Variants in GSAP observed in about 807,000 individuals in gnomAD.
The protein encoded by GSAP is gamma-secretase activating protein.
Under a neutral mutation model 131.7 loss-of-function variants are expected in GSAP, and 118 were observed. The observed-to-expected ratio is 0.90, with a 90% confidence interval of 0.77 to 1.04. The LOEUF is 1.04. GSAP is among the 50% of genes least tolerant of loss of function. The pLI, the probability that GSAP is intolerant of heterozygous loss-of-function variation, is 0.00. For synonymous variants in GSAP, 381 were observed against 363.4 expected, an observed-to-expected ratio of 1.05 and a Z score of -0.55; for missense variants, 1,019 against 1,013.2, an observed-to-expected ratio of 1.01 and a Z score of -0.08.
chr7:77,353,106 C>T (rs2150854613), intron 17 of GSAP, 80 bp from the exon 18 acceptor site: 1 of 757,492 alleles, frequency 1.3e-6, no homozygotes, highest in East Asian at 2.5e-5. Flanking sequence ...GCAACCAAAA[C>T]ACGCAAACCA....
rs78842255 is a variant in GSAP at position 77,339,491 on chromosome 7, G to C, written c.1546-9124C>G. 1.4e-3 allele frequency among the ~76,000 whole-genome samples: 206 copies of C among 152,246 alleles called. 1 individual carries two copies. The highest frequency in any genetic ancestry group is 2.5e-3 in the Non-Finnish European group (167 of 68,016). On this transcript the variant is annotated intron_variant, in intron 19 of 30. Transcript: ENST00000257626. ...GGCTGTGTGCAGAGGGTCATAGAGA[G>C]ATCTACAGTGCCTCATACTTGTCCT...
chr7:77,354,596 T>C (rs964872534), intron 16 of GSAP, among the ~76,000 whole-genome samples: 1 of 152,108 alleles, frequency 6.6e-6, no homozygotes, highest in Admixed American at 6.5e-5. Context: ...AATTAGCAGA[T>C]GCACAAAGAA....
chr7:77,392,089 G>A (rs188688781), intron 5 of GSAP, among the ~76,000 whole-genome samples: 36 of 152,218 alleles, frequency 2.4e-4, no homozygotes, highest in African/African-American at 7.7e-4. Flanking sequence ...GCCGGAAGTG[G>A]TGGTGGATGC....
chr7:77,389,356 G>A lies in GSAP; in HGVS notation c.368-1908C>T, dbSNP rs374151035. Among the ~76,000 whole-genome samples the A allele has an allele frequency of 1.3e-5, 2 of 149,614 alleles. 1 individual carries two copies. ...TTTTGTTTCCATCCTGGTTAACATA[G>A]TGAAATGCCGTCTCTACAAAAATAA... On this transcript the variant is annotated intron_variant, in intron 5 of 30. Coordinates refer to ENST00000257626, the MANE Select transcript of GSAP (RefSeq NM_017439.4).
chr7:77,379,943 C>T (rs1181902), intron 8 of GSAP: 782,292 of 905,770 alleles, frequency 0.86, 338,418 homozygotes, highest in African/African-American at 0.97. Flanking sequence ...AATTTGTTCA[C>T]TTAACTTTAA....
In GSAP at chr7:77,388,577, C is replaced by T. The variant is rs117778671; in HGVS notation, c.368-1129G>A. Among the ~76,000 whole-genome samples, 203 of 152,220 alleles carry T rather than the reference C, an allele frequency of 1.3e-3. 4 individuals are homozygous for T. The East Asian group carries it at 0.03, about 23-fold the overall frequency. ...GGTTCCCCTTCCCCCAAGATTACACCGTAGAAAAGAAGGACTGGCCTTATA... is the reference window on the plus strand; with the variant it reads ...GGTTCCCCTTCCCCCAAGATTACACTGTAGAAAAGAAGGACTGGCCTTATA... On this transcript the variant is annotated intron_variant, in intron 5 of 30. Transcript: ENST00000257626.
At chr7:77,390,945 C>CA (rs1799375361) in intron 5 of GSAP, among the ~76,000 whole-genome samples, 1 of 18,942 alleles carries the variant, frequency 5.3e-5, no homozygotes, top group Non-Finnish European at 1.2e-4. Context: ...GAGACTCCGT[C>CA]TAAAAAAAAA....
chr7:77,328,162 T>C (rs755457100), intron 22 of GSAP: 87 of 969,440 alleles, frequency 9.0e-5, no homozygotes, highest in Non-Finnish European at 9.6e-5. Flanking sequence ...ACCACACTGC[T>C]TACCTGGAAG....
chr7:77,338,598 A>G (rs1308195599), intron 19 of GSAP, among the ~76,000 whole-genome samples: 1 of 152,142 alleles, frequency 6.6e-6, no homozygotes, highest in Non-Finnish European at 1.5e-5. Context: ...ATGAGGGCCC[A>G]CTTCCTAGAC....
chr7:77,375,115 C>T lies in GSAP; in HGVS notation c.742-14G>A. 2 of 1,534,966 alleles carry T rather than the reference C, an allele frequency of 1.3e-6. No individual in the cohort carries two copies. Among genetic ancestry groups the T allele is most frequent in the Non-Finnish European group, 1.8e-6 (2 of 1,117,176 alleles). ...GGGTACTTCAAACTGTCAAAAAAAT[C>T]AAAGAAAATGAACCCAAAATGACAG... On this transcript the variant is annotated splice_polypyrimidine_tract_variant and intron_variant, in intron 10 of 30. Coordinates refer to ENST00000257626, the MANE Select transcript of GSAP (RefSeq NM_017439.4).
chr7:77,382,625 C>T lies in GSAP; in HGVS notation c.475G>A (p.Glu159Lys), dbSNP rs759756255. The change falls in exon 7 of 31, where the codon GAA becomes AAA. Residue 159 changes from glutamate to lysine, a missense_variant. Glu to Lys is a moderately conservative substitution (Grantham distance 56, BLOSUM62 1). Coordinates refer to ENST00000257626, the MANE Select transcript of GSAP (RefSeq NM_017439.4). ...IWVQFLYPHIESHPLPENHLL... is the reference protein window; with the variant it reads ...IWVQFLYPHIKSHPLPENHLL... ...TGGTTCTCTGGAAGAGGATGACTTTCAATATGTGGGTAGAGAAACTGTAAA... is the reference window on the plus strand; with the variant it reads ...TGGTTCTCTGGAAGAGGATGACTTTTAATATGTGGGTAGAGAAACTGTAAA... 5.2e-6 allele frequency: 8 copies of T among 1,553,358 alleles called. No individual in the cohort carries two copies. The East Asian group carries it at 1.6e-4, about 30-fold the overall frequency.
intron 11 of GSAP, among the ~76,000 whole-genome samples, chr7:77,374,784 G>A (rs575022779): frequency 3.3e-5 from 5 of 152,124 alleles, no homozygotes; most frequent in African/African-American, 7.2e-5. Flanking sequence ...CTATTTAATC[G>A]CAGGGAGAAG....
At chr7:77,406,888 T>TCTCC (rs1229512813) in intron 1 of GSAP, among the ~76,000 whole-genome samples, 1 of 152,174 alleles carries the variant, frequency 6.6e-6, no homozygotes, top group Non-Finnish European at 1.5e-5. Flanking sequence ...GAAGCTCCCC[T>TCTCC]CTCCCCGCTG....
intron 3 of GSAP, among the ~76,000 whole-genome samples, chr7:77,403,452 G>A (rs904746054): frequency 2.0e-5 from 3 of 152,182 alleles, no homozygotes; most frequent in Non-Finnish European, 2.9e-5. Context: ...GTTCAAAGAT[G>A]TCTAATATTC....
chr7:77,363,904 A>G (rs796465799), intron 12 of GSAP, among the ~76,000 whole-genome samples: 10 of 152,312 alleles, frequency 6.6e-5, no homozygotes, highest in African/African-American at 2.4e-4. Flanking sequence ...TCACTAAAGT[A>G]TAAACAAAAT....
intron 12 of GSAP, among the ~76,000 whole-genome samples, chr7:77,372,761 C>T (rs1417565936): frequency 6.6e-6 from 1 of 152,222 alleles, no homozygotes; most frequent in African/African-American, 2.4e-5. Context: ...CCTTCAATGA[C>T]TTCTCATCAC....
chr7:77,355,432 T>C lies in GSAP; in HGVS notation c.1121-2A>G. ...GCATATCAATCATTTCATTATTTCC[T>C]GGCAAAAAAAAAAAAAACAGTAGAT... On this transcript the variant is annotated splice_acceptor_variant, in intron 15 of 30. Transcript: ENST00000257626. LOFTEE classifies it high-confidence loss of function. The C allele has an allele frequency of 6.8e-7, 1 of 1,469,980 alleles. No individual in the cohort carries two copies. The highest frequency in any genetic ancestry group is 9.2e-7 in the Non-Finnish European group (1 of 1,088,652). The allele number at this position is 1,469,980 out of a possible 1,614,324, so 91.1% of individuals were successfully genotyped here.
At chr7:77,347,046 CAGA>C (rs1792021097) in intron 19 of GSAP, among the ~76,000 whole-genome samples, 2 of 151,696 alleles carry the variant, frequency 1.3e-5, no homozygotes, top group Admixed American at 6.6e-5. Flanking sequence ...ATAAAAATCC[CAGA>C]AGACTGGGTT....
chr7:77,406,058 T>C lies in GSAP; in HGVS notation c.157A>G (p.Arg53Gly). Reference sequence around the variant, plus strand: ...TAGGTATAAATAATATTTCCATTTCTTTCAACATTTAATACATGTAAGCTC... The same window carrying C: ...TAGGTATAAATAATATTTCCATTTCCTTCAACATTTAATACATGTAAGCTC... Reference protein sequence around the residue: ...YESLHVLNVERNGNIIYTYKD... With the variant: ...YESLHVLNVEGNGNIIYTYKD... The change falls in exon 2 of 31, where the codon AGA (arginine) becomes GGA (glycine). Residue 53 changes from arginine to glycine, a missense_variant. Physicochemically the swap from Arg to Gly is moderately radical, Grantham distance 125. Coordinates refer to ENST00000257626, the MANE Select transcript of GSAP (RefSeq NM_017439.4). 9.2e-7 allele frequency: 1 copy of C among 1,089,696 alleles called. No individual in the cohort carries two copies. Among genetic ancestry groups the C allele is most frequent in the Non-Finnish European group, 1.3e-6 (1 of 798,658 alleles). 67.5% of individuals were successfully genotyped at this position (1,089,696 alleles called of 1,614,324 possible). A position where few individuals can be genotyped will look rare whatever the true frequency, so the allele number is the denominator to read the frequency against.
Sources: allele counts gnomAD v4.1 joint callset (sites outside exome capture counted in the v4.1 genomes callset), GRCh38; gene constraint gnomAD v4.1.1; transcripts MANE v1.5; gene names NCBI Gene and HGNC (gene_info 2026-07-23, HGNC 2026-07-21).